IL34: variants seen among roughly 807,000 people sequenced by gnomAD.
The protein encoded by IL34 is interleukin-34.
A neutral mutation model predicts 25.3 loss-of-function variants in IL34; 17 were observed. The ratio of observed to expected loss-of-function variants is 0.67; its 90% CI spans 0.46 to 1.01. The LOEUF is 1.01. Ranked by LOEUF, IL34 falls within the 50% of genes least tolerant of loss-of-function variation. The pLI, the probability that IL34 is intolerant of heterozygous loss-of-function variation, is 0.00. For missense variants in IL34, 368 were observed against 312.9 expected (o/e 1.18, Z -1.33); for synonymous variants, 174 against 140.9 (o/e 1.23, Z -1.66).
At chr16:70,630,531 C>A (rs1285678069) in intron 1 of IL34, among the ~76,000 whole-genome samples, 1 of 151,426 alleles carries the variant, frequency 6.6e-6, no homozygotes, top group Non-Finnish European at 1.5e-5. Context: ...TGCGCCTGGC[C>A]CCTCCCTTCC....
At chr16:70,637,863 C>T (rs1488589402) in intron 1 of IL34, among the ~76,000 whole-genome samples, 7 of 152,252 alleles carry the variant, frequency 4.6e-5, no homozygotes, top group South Asian at 2.1e-4. Context: ...TTAAAGCAAT[C>T]GGCACATGGT....
At chr16:70,657,653 T>G (rs2052267891) in intron 4 of IL34, among the ~76,000 whole-genome samples, 1 of 152,132 alleles carries the variant, frequency 6.6e-6, no homozygotes, top group Non-Finnish European at 1.5e-5. Flanking sequence ...TGGGCACCTG[T>G]TATCCCAGCT....
upstream of IL34, among the ~76,000 whole-genome samples, chr16:70,643,620 C>T (rs985937528): frequency 9.9e-5 from 15 of 152,210 alleles, no homozygotes; most frequent in South Asian, 2.1e-4. Context: ...AGCGATCCCC[C>T]GGCCTTGGCC....
chr16:70,619,940 G>A (rs2051245501), intron 1 of IL34, among the ~76,000 whole-genome samples: 1 of 152,202 alleles, frequency 6.6e-6, no homozygotes, highest in South Asian at 2.1e-4. Context: ...AGCTCCTGTG[G>A]GAGGAGGTTC....
intron 1 of IL34, among the ~76,000 whole-genome samples, chr16:70,621,396 G>A (rs555428564): frequency 4.6e-5 from 7 of 152,154 alleles, no homozygotes; most frequent in Non-Finnish European, 8.8e-5. Flanking sequence ...AGAGATTGAA[G>A]AGTGGAAAGA....
intron 1 of IL34, among the ~76,000 whole-genome samples, chr16:70,629,485 C>T (rs2051469229): frequency 6.6e-6 from 1 of 152,270 alleles, no homozygotes; most frequent in East Asian, 1.9e-4. Flanking sequence ...TCCATGGACG[C>T]TCAGGTCCCT....
intron 1 of IL34, among the ~76,000 whole-genome samples, chr16:70,611,625 A>G (rs2051092336): frequency 6.6e-6 from 1 of 151,920 alleles, no homozygotes; most frequent in Non-Finnish European, 1.5e-5. Context: ...CCCCATATCT[A>G]CACAAAATTT....
intron 1 of IL34, among the ~76,000 whole-genome samples, chr16:70,622,250 G>C (rs1261110211): frequency 6.6e-6 from 1 of 152,100 alleles, no homozygotes; most frequent in African/African-American, 2.4e-5. Flanking sequence ...CAGTGAAAGT[G>C]TCTATTTAGA....
At chr16:70,608,424 G>A (rs1206520310) in intron 1 of IL34, among the ~76,000 whole-genome samples, 1 of 152,076 alleles carries the variant, frequency 6.6e-6, no homozygotes, top group African/African-American at 2.4e-5. Flanking sequence ...CACCACGACC[G>A]GCCTTGATTT....
chr16:70,617,474 G>T (rs1158259388), intron 1 of IL34, among the ~76,000 whole-genome samples: 2 of 152,136 alleles, frequency 1.3e-5, no homozygotes, highest in African/African-American at 4.8e-5. Flanking sequence ...AAGATAGTAG[G>T]GATGACAAGT....
At chr16:70,644,228 A>T (rs774207650), upstream of IL34, among the ~76,000 whole-genome samples, 1 of 152,110 alleles carries the variant, frequency 6.6e-6, no homozygotes, top group Non-Finnish European at 1.5e-5. Flanking sequence ...ACTCTGTGGA[A>T]ATAACTTTTT....
At chr16:70,605,827 C>T (rs538485262) in intron 1 of IL34, among the ~76,000 whole-genome samples, 50 of 152,056 alleles carry the variant, frequency 3.3e-4, no homozygotes, top group African/African-American at 1.1e-3. Flanking sequence ...CCCGTCACCA[C>T]GCCCACCTAA....
intron 1 of IL34, among the ~76,000 whole-genome samples, chr16:70,634,635 G>A (rs539626257): frequency 7.3e-5 from 11 of 151,404 alleles, no homozygotes; most frequent in African/African-American, 2.2e-4. Flanking sequence ...AGCCGAGATC[G>A]TGTCACTGAA....
At chr16:70,611,080 G>A (rs1461236538) in intron 1 of IL34, among the ~76,000 whole-genome samples, 3 of 152,184 alleles carry the variant, frequency 2.0e-5, no homozygotes, top group Non-Finnish European at 2.9e-5. Flanking sequence ...CCTGGTTCAG[G>A]CAGTCCTCCC....
intron 4 of IL34, among the ~76,000 whole-genome samples, chr16:70,658,207 A>G (rs1307875453): frequency 2.0e-5 from 3 of 152,340 alleles, no homozygotes; most frequent in Middle Eastern, 3.4e-3. Flanking sequence ...GGGCTTAGGG[A>G]CTAGCACCTG....
intron 1 of IL34, among the ~76,000 whole-genome samples, chr16:70,613,664 A>G (rs1403083274): frequency 1.3e-5 from 2 of 152,010 alleles, no homozygotes; most frequent in African/African-American, 4.8e-5. Flanking sequence ...ACCAGAGGTC[A>G]GGAGCTCAAA....
chr16:70,589,034 C>T (rs1270578595), intron 1 of IL34, among the ~76,000 whole-genome samples: 2 of 151,794 alleles, frequency 1.3e-5, no homozygotes, highest in African/African-American at 2.4e-5. Context: ...TAGCTGAGAG[C>T]GGTGGCAAAA....
Position 70,597,879 on chromosome 16 carries a change from C to T in IL34, c.-401+17830C>T, listed in dbSNP as rs147382811. ...TGAGATGGAGTTTTGCTCTTGTCGTCCAGGCTGGAGTGCAATGGCGCGATC... is the reference window on the plus strand; with the variant it reads ...TGAGATGGAGTTTTGCTCTTGTCGTTCAGGCTGGAGTGCAATGGCGCGATC... On this transcript the variant is annotated intron_variant, in intron 1 of 6. Transcript: ENST00000429149. 5.4e-3 allele frequency among the ~76,000 whole-genome samples: 822 copies of T among 152,198 alleles called. 5 individuals are homozygous for T. The highest frequency in any genetic ancestry group is 8.3e-3 in the Non-Finnish European group (566 of 67,998).
chr16:70,582,273 C>A (rs781091292), intron 1 of IL34, among the ~76,000 whole-genome samples: 15 of 152,260 alleles, frequency 9.9e-5, no homozygotes, highest in African/African-American at 1.4e-4. Context: ...CCTCTGTTGT[C>A]ACATCTGGAT....
Sources: gnomAD v4.1 joint callset for allele counts (sites outside exome capture counted in the v4.1 genomes callset) on GRCh38, gnomAD v4.1.1 for gene constraint, MANE v1.5 for transcripts, NCBI Gene and HGNC (gene_info 2026-07-23, HGNC 2026-07-21) for gene names.